Variants in TMEM178A observed in about 807,000 individuals in gnomAD.
TMEM178A encodes transmembrane protein 178A.
In TMEM178A, 12 loss-of-function variants were observed where a neutral mutation model predicts 29.1. That is an observed-to-expected ratio of 0.41 (90% CI 0.26 to 0.67). The LOEUF (loss-of-function observed/expected upper bound fraction) is 0.67, where lower values mean the gene tolerates loss of function less well. TMEM178A is among the 30% of genes least tolerant of loss of function. The pLI, the probability that TMEM178A is intolerant of heterozygous loss-of-function variation, is 0.29. For synonymous variants in TMEM178A, 210 were observed against 187.2 expected (o/e 1.12, Z -0.99); for missense variants, 366 against 419.1 (o/e 0.87, Z 1.11).
chr2:39,686,137 T>C (rs560567945), intron 1 of TMEM178A, among the ~76,000 whole-genome samples: 390 of 152,342 alleles, frequency 2.6e-3, no homozygotes, highest in African/African-American at 8.7e-3. Flanking sequence ...TACTGAGCCC[T>C]GAGCAGGAAG....
chr2:39,681,349 A>G (rs952811613), intron 1 of TMEM178A, among the ~76,000 whole-genome samples: 2 of 152,230 alleles, frequency 1.3e-5, no homozygotes, highest in Non-Finnish European at 2.9e-5. Context: ...TGTGACTTCC[A>G]GAAGACAGAA....
chr2:39,719,544 C>T (rs781712250), downstream of TMEM178A, among the ~76,000 whole-genome samples: 18 of 152,244 alleles, frequency 1.2e-4, no homozygotes, highest in Non-Finnish European at 2.6e-4. Flanking sequence ...CTTACTGTCA[C>T]GCAAGTGTGG....
intron 1 of TMEM178A, among the ~76,000 whole-genome samples, chr2:39,671,653 T>C (rs1670411985): frequency 6.6e-6 from 1 of 152,234 alleles, no homozygotes; most frequent in East Asian, 1.9e-4. Context: ...GTGCATGGAC[T>C]GTACTGACAC....
intron 2 of TMEM178A, among the ~76,000 whole-genome samples, chr2:39,705,308 T>C (rs1411666024): frequency 6.6e-6 from 1 of 152,202 alleles, no homozygotes; most frequent in African/African-American, 2.4e-5. Context: ...CTGTAGCACA[T>C]TTACTATATA....
intron 1 of TMEM178A, among the ~76,000 whole-genome samples, chr2:39,696,464 G>T (rs768511250): frequency 2.6e-5 from 4 of 152,136 alleles, no homozygotes; most frequent in Admixed American, 2.6e-4. Context: ...CCTATGCTAA[G>T]TCCTGAATTA....
chr2:39,705,076 A>G (rs1032074729), intron 2 of TMEM178A, among the ~76,000 whole-genome samples: 2 of 152,256 alleles, frequency 1.3e-5, no homozygotes, highest in Admixed American at 6.5e-5. Flanking sequence ...AGACTTAATC[A>G]TCTTTCCAGA....
chr2:39,728,850 C>T, the TMEM178A span, among the ~76,000 whole-genome samples: 3 of 152,058 alleles, frequency 2.0e-5, no homozygotes, highest in African/African-American at 7.2e-5. Context: ...TATTCAAAAT[C>T]TTTGGGAGGC....
At chr2:39,732,256 C>G in the TMEM178A span, among the ~76,000 whole-genome samples, 1 of 152,286 alleles carries the variant, frequency 6.6e-6, no homozygotes, top group South Asian at 2.1e-4. Context: ...CTTGCAGAGT[C>G]ATCTGTAAGC....
chr2:39,731,165 T>C, the TMEM178A span, among the ~76,000 whole-genome samples: 1 of 152,212 alleles, frequency 6.6e-6, no homozygotes, highest in Non-Finnish European at 1.5e-5. Flanking sequence ...TGGAAGGTGT[T>C]GTTGGCATAA....
chr2:39,696,981 T>C lies in TMEM178A; in HGVS notation c.401-7100T>C, dbSNP rs115372337. ...ATCTGGTGCTATGAGCTCATGCTTTTTGTGTTCCTTTTCAGAGAGCCAGAT... is the reference window on the plus strand; with the variant it reads ...ATCTGGTGCTATGAGCTCATGCTTTCTGTGTTCCTTTTCAGAGAGCCAGAT... On this transcript the variant is annotated intron_variant, in intron 1 of 3. Transcript: ENST00000281961. Among the ~76,000 whole-genome samples, 673 of 152,338 alleles carry C rather than the reference T, an allele frequency of 4.4e-3. 7 individuals carry two copies. Among genetic ancestry groups the C allele is most frequent in the African/African-American group, 0.015 (635 of 41,576 alleles).
At chr2:39,712,257 G>A (rs1182003593) in intron 3 of TMEM178A, among the ~76,000 whole-genome samples, 1 of 152,050 alleles carries the variant, frequency 6.6e-6, no homozygotes, top group East Asian at 1.9e-4. Context: ...TATGCCTTTG[G>A]GTGTTGTAGT....
chr2:39,733,997 T>TA, the TMEM178A span, among the ~76,000 whole-genome samples: 13 of 151,148 alleles, frequency 8.6e-5, no homozygotes, highest in East Asian at 3.9e-4. Context: ...CTCTTTAACA[T>TA]AAAAAAAAAG....
At chr2:39,734,176 C>A in the TMEM178A span, among the ~76,000 whole-genome samples, 6 of 152,208 alleles carry the variant, frequency 3.9e-5, no homozygotes, top group African/African-American at 1.4e-4. Flanking sequence ...TCTGGTTTTG[C>A]TCCCCTTCCA....
At chr2:39,725,302 A>G in the TMEM178A span, among the ~76,000 whole-genome samples, 1 of 152,240 alleles carries the variant, frequency 6.6e-6, no homozygotes, top group South Asian at 2.1e-4. Flanking sequence ...ATTCAGTACA[A>G]TTTCATTATT....
the TMEM178A span, among the ~76,000 whole-genome samples, chr2:39,724,201 G>A: frequency 6.6e-6 from 1 of 152,004 alleles, no homozygotes; most frequent in Admixed American, 6.6e-5. Context: ...CTCTATTTAA[G>A]TGGGTATGTC....
chr2:39,665,752 G>C, upstream of TMEM178A: 5 of 381,340 alleles, frequency 1.3e-5, no homozygotes, highest in Non-Finnish European at 2.2e-5. Context: ...GGAGGGCTAG[G>C]AGCCCGGGGG....
the TMEM178A span, among the ~76,000 whole-genome samples, chr2:39,728,210 C>A: frequency 6.6e-6 from 1 of 152,196 alleles, no homozygotes; most frequent in Non-Finnish European, 1.5e-5. Context: ...TTCTCCACAT[C>A]CTCTCCAGAA....
At chr2:39,707,340 A>G (rs1444291540) in intron 3 of TMEM178A, among the ~76,000 whole-genome samples, 154 bp downstream of exon 3, 1 of 152,236 alleles carries the variant, frequency 6.6e-6, no homozygotes, top group Non-Finnish European at 1.5e-5. Flanking sequence ...GAAAATACAG[A>G]ATTTAAGGAA....
intron 1 of TMEM178A, among the ~76,000 whole-genome samples, chr2:39,688,841 T>C (rs897509134): frequency 3.9e-5 from 6 of 152,188 alleles, no homozygotes; most frequent in African/African-American, 1.4e-4. Context: ...GATCCTGAAG[T>C]CCAGCTTGAA....
Sources: allele counts gnomAD v4.1 joint callset (sites outside exome capture counted in the v4.1 genomes callset), GRCh38; gene constraint gnomAD v4.1.1; transcripts MANE v1.5; gene names NCBI Gene and HGNC (gene_info 2026-07-23, HGNC 2026-07-21).